The following NALF1 variants were observed in gnomAD, a reference collection of about 807,000 sequenced individuals.
The protein encoded by NALF1 is NALCN channel auxiliary factor 1, also known as family with sequence similarity 155 member A.
NALF1 carries 3 observed loss-of-function variants against 48.4 expected under a neutral mutation model. That is an observed-to-expected ratio of 0.06 (90% confidence interval 0.03 to 0.16). NALF1 has a LOEUF of 0.16. Ranked by LOEUF, NALF1 falls within the 10% of genes least tolerant of loss-of-function variation. The pLI is 1.00. For synonymous variants in NALF1, 262 were observed against 245.7 expected (o/e 1.07, Z -0.62); for missense variants, 526 against 571.5 (o/e 0.92, Z 0.81).
rs534566599 is a variant in NALF1, at chr13:107,800,271, T to C, written c.915+65411A>G. ...AAAATTAAAGACTGAGCAAAGCAGA[T>C]TGTTGAAGATACTTTACTTGCAAAT... On this transcript the variant is annotated intron_variant, in intron 1 of 2. Transcript: ENST00000375915. 2.6e-5 allele frequency among the ~76,000 whole-genome samples: 4 copies of C among 152,272 alleles called. No individual in the cohort carries two copies. In the East Asian group the frequency reaches 5.8e-4, roughly 22 times the overall value.
intron 1 of NALF1, among the ~76,000 whole-genome samples, chr13:107,684,194 C>T (rs1432731709): frequency 1.3e-5 from 2 of 152,308 alleles, no homozygotes; most frequent in Non-Finnish European, 1.5e-5. Context: ...AGATTAACCC[C>T]CAGCTCATCA....
At chr13:107,845,364 T>C (rs1175905326) in intron 1 of NALF1, among the ~76,000 whole-genome samples, 1 of 152,176 alleles carries the variant, frequency 6.6e-6, no homozygotes, top group Non-Finnish European at 1.5e-5. Flanking sequence ...ATGTCCAGTG[T>C]GTGCTGTGGA....
In NALF1 at chr13:107,866,930, G is replaced by A. The variant is rs977342806; in HGVS notation, c.-334C>T. 2.0e-5 allele frequency among the ~76,000 whole-genome samples: 3 copies of A among 151,954 alleles called. No homozygotes were observed. Among genetic ancestry groups the A allele is most frequent in the Non-Finnish European group, 4.4e-5 (3 of 67,974 alleles). ...AGAGAGAGAGAGAGAGACGGAGGAG[G>A]CTGGTGCTGGTGGCCGGCGGCGAGG... On this transcript the variant is annotated 5_prime_UTR_variant, in exon 1 of 3. Transcript: ENST00000375915. This position sits in a 1 kb window ranked among gnomAD's most constrained non-coding sequence, Gnocchi z 4.4.
At chr13:107,822,333 CAG>C (rs1248588308) in intron 1 of NALF1, among the ~76,000 whole-genome samples, 4 of 143,562 alleles carry the variant, frequency 2.8e-5, no homozygotes, top group Non-Finnish European at 4.5e-5. Context: ...TTTTTTGAGA[CAG>C]AGTCTGGCCC....
At chr13:107,522,869 CG>C in intron 1 of NALF1, among the ~76,000 whole-genome samples, 1 of 152,120 alleles carries the variant, frequency 6.6e-6, no homozygotes, top group Middle Eastern at 3.4e-3. Flanking sequence ...CCACCTGCCT[CG>C]GCCTCCCCAA....
At position 107,714,626 on chromosome 13, in the gene NALF1, T is replaced by TAA. The variant is rs10633995; in HGVS notation, c.915+151054_915+151055dup. On this transcript the variant is annotated intron_variant, in intron 1 of 2. Transcript: ENST00000375915. ...CCTGGGTGACAGAGTGAGGCTTTAT[T>TAA]AAAAAAAAAAAAAGAAAGATAAAAT... Among the ~76,000 whole-genome samples the TAA allele has an allele frequency of 5.3e-4, 67 of 126,474 alleles. 1 individual carries two copies. The highest frequency in any genetic ancestry group is 1.3e-3 in the African/African-American group (46 of 34,766). The allele number at this position is 126,474 out of a possible 152,430, so 83.0% of individuals were successfully genotyped here.
intron 1 of NALF1, among the ~76,000 whole-genome samples, chr13:107,540,237 A>C (rs1876962635): frequency 1.3e-5 from 2 of 152,090 alleles, no homozygotes; most frequent in Non-Finnish European, 2.9e-5. Flanking sequence ...TTTACATGGA[A>C]TGTTTGTCAA....
intron 1 of NALF1, among the ~76,000 whole-genome samples, chr13:107,616,324 T>C (rs1020675578): frequency 3.3e-5 from 5 of 152,344 alleles, no homozygotes; most frequent in Non-Finnish European, 5.9e-5. Flanking sequence ...TAGCCTATTC[T>C]TTGTGAGAAC....
chr13:107,831,957 T>C (rs879764880), intron 1 of NALF1, among the ~76,000 whole-genome samples: 1 of 152,162 alleles, frequency 6.6e-6, no homozygotes, highest in Non-Finnish European at 1.5e-5. Context: ...CGCATTTCAA[T>C]TGTTTGAGGA....
chr13:107,266,629 A>G (rs1191337930), intron 1 of NALF1, among the ~76,000 whole-genome samples: 1 of 152,198 alleles, frequency 6.6e-6, no homozygotes, highest in Non-Finnish European at 1.5e-5. Context: ...AAATACTTAT[A>G]TATCTAAACT....
rs80275053 is a variant in NALF1, at chr13:107,397,685, T to G, written c.916-186930A>C. On this transcript the variant is annotated intron_variant, in intron 1 of 2. Transcript: ENST00000375915. ...AGAGGTAGGGCCTTGAGTTCATCTC[T>G]TTGCTCCACATTTGTCAAGTAGAAT... 2.2e-4 allele frequency among the ~76,000 whole-genome samples: 33 copies of G among 152,198 alleles called. No homozygotes were observed. In the East Asian group the frequency reaches 5.8e-3, roughly 27 times the overall value.
chr13:107,577,294 A>T (rs1398131643), intron 1 of NALF1, among the ~76,000 whole-genome samples: 1 of 152,188 alleles, frequency 6.6e-6, no homozygotes, highest in Admixed American at 6.5e-5. Context: ...ACACAAGGCA[A>T]GCAATTTCAA....
At chr13:107,394,871 A>G (rs1001397455) in intron 1 of NALF1, among the ~76,000 whole-genome samples, 6 of 152,142 alleles carry the variant, frequency 3.9e-5, no homozygotes, top group Admixed American at 2.0e-4. Context: ...GGGAAGGAGG[A>G]AGGAGAACAA....
At chr13:107,830,175 G>A (rs1044627332) in intron 1 of NALF1, among the ~76,000 whole-genome samples, 1 of 152,160 alleles carries the variant, frequency 6.6e-6, no homozygotes, top group African/African-American at 2.4e-5. Context: ...CTAACTCGAT[G>A]AATGATCTTC....
intron 1 of NALF1, among the ~76,000 whole-genome samples, chr13:107,237,296 G>T (rs1880373330): frequency 1.3e-5 from 2 of 152,022 alleles, no homozygotes; most frequent in South Asian, 2.1e-4. Context: ...CATATATTTA[G>T]AATATAATAA....
intron 1 of NALF1, among the ~76,000 whole-genome samples, chr13:107,336,560 C>T (rs1882561001): frequency 6.6e-6 from 1 of 152,044 alleles, no homozygotes; most frequent in Non-Finnish European, 1.5e-5. Flanking sequence ...AGAGAACAAT[C>T]TTTGTGTCTA....
At chr13:107,540,483 TA>T (rs1347831145) in intron 1 of NALF1, among the ~76,000 whole-genome samples, 2 of 152,234 alleles carry the variant, frequency 1.3e-5, no homozygotes, top group East Asian at 3.9e-4. Context: ...CTTGATTTCC[TA>T]AAGTAAATAT....
At chr13:107,478,127 T>C (rs1286997017) in intron 1 of NALF1, among the ~76,000 whole-genome samples, 1 of 152,162 alleles carries the variant, frequency 6.6e-6, no homozygotes, top group South Asian at 2.1e-4. Context: ...CTTATTGCAG[T>C]AACCTTAAAT....
chr13:107,838,564 C>A (rs751503876), intron 1 of NALF1, among the ~76,000 whole-genome samples: 1 of 152,064 alleles, frequency 6.6e-6, no homozygotes, highest in Non-Finnish European at 1.5e-5. Flanking sequence ...AGGAGGCATG[C>A]GTGTATGAAC....
Sources: gnomAD v4.1 joint callset for allele counts (sites outside exome capture counted in the v4.1 genomes callset) on GRCh38, gnomAD v4.1.1 for gene constraint, Gnocchi (gnomAD v3.1) non-coding constraint, MANE v1.5 for transcripts, NCBI Gene and HGNC (gene_info 2026-07-23, HGNC 2026-07-21) for gene names.